Variants in MSRA observed in about 807,000 individuals in gnomAD.
MSRA encodes the protein mitochondrial peptide methionine sulfoxide reductase.
In MSRA, 54 loss-of-function variants were observed where a neutral mutation model predicts 31.3. The observed-to-expected ratio is 1.73, with a 90% CI of 1.39 to 2.17. The LOEUF (loss-of-function observed/expected upper bound fraction) is 2.17. Ranked by LOEUF, MSRA falls within the 30% of genes most tolerant of loss-of-function variation. The pLI is 0.00. For synonymous variants in MSRA, 169 were observed against 116.5 expected (o/e 1.45, Z -2.90); for missense variants, 507 against 300.9 (o/e 1.69, Z -5.07).
intron 1 of MSRA, chr8:10,095,416 C>T (rs540354514): frequency 9.2e-4 from 873 of 951,094 alleles, no homozygotes; most frequent in Non-Finnish European, 1.0e-3. Context: ...ATTTGGGTAC[C>T]GTACCACGGT....
At chr8:10,245,808 C>T (rs1351141842) in intron 3 of MSRA, among the ~76,000 whole-genome samples, 2 of 152,210 alleles carry the variant, frequency 1.3e-5, no homozygotes, top group African/African-American at 4.8e-5. Context: ...CACTTTTATA[C>T]CATTGGCCAA....
intron 2 of MSRA, among the ~76,000 whole-genome samples, chr8:10,235,605 C>G (rs770762390): frequency 1.3e-5 from 2 of 152,110 alleles, no homozygotes; most frequent in African/African-American, 4.8e-5. Context: ...AAGGTTTGCT[C>G]TGCAACGAAA....
intron 5 of MSRA, among the ~76,000 whole-genome samples, chr8:10,384,480 C>T (rs896387945): frequency 1.3e-5 from 2 of 152,190 alleles, no homozygotes; most frequent in Non-Finnish European, 2.9e-5. Context: ...TGGTGGAGAA[C>T]GAGGACGATG....
chr8:10,287,254 A>G (rs1309172417), intron 3 of MSRA, among the ~76,000 whole-genome samples: 1 of 152,234 alleles, frequency 6.6e-6, no homozygotes, highest in East Asian at 1.9e-4. Flanking sequence ...GCATGAAATT[A>G]TGGAATCAAA....
At chr8:10,368,109 T>A (rs1249377242) in intron 5 of MSRA, among the ~76,000 whole-genome samples, 1 of 152,076 alleles carries the variant, frequency 6.6e-6, no homozygotes, top group Non-Finnish European at 1.5e-5. Flanking sequence ...TGACCATGAG[T>A]CATGAAGCCA....
chr8:10,180,835 A>T (rs891911960), intron 1 of MSRA, among the ~76,000 whole-genome samples: 2 of 152,352 alleles, frequency 1.3e-5, no homozygotes, highest in South Asian at 4.1e-4. Flanking sequence ...TTTGGAAGAC[A>T]CTGGATTAAG....
intron 1 of MSRA, among the ~76,000 whole-genome samples, chr8:10,072,446 C>T (rs1004737624): frequency 6.6e-6 from 1 of 152,074 alleles, no homozygotes; most frequent in Non-Finnish European, 1.5e-5. Flanking sequence ...TGGGTCCTTA[C>T]TCCCTCCCGT....
intron 5 of MSRA, among the ~76,000 whole-genome samples, chr8:10,383,202 C>A (rs1458467200): frequency 6.6e-6 from 1 of 152,176 alleles, no homozygotes; most frequent in Non-Finnish European, 1.5e-5. Context: ...GCTGCAGGGG[C>A]AGAGGGCAAT....
intron 5 of MSRA, among the ~76,000 whole-genome samples, chr8:10,347,080 T>C (rs1389968100): frequency 6.6e-6 from 1 of 152,196 alleles, no homozygotes; most frequent in African/African-American, 2.4e-5. Flanking sequence ...ACCTGCACTT[T>C]GATCACAACA....
intron 3 of MSRA, among the ~76,000 whole-genome samples, chr8:10,287,200 A>G (rs111661269): frequency 0.021 from 3,251 of 152,304 alleles, 55 homozygotes; most frequent in Non-Finnish European, 0.031. Context: ...ATTGGTAGCA[A>G]TAATTTAGTA....
intron 5 of MSRA, among the ~76,000 whole-genome samples, chr8:10,358,884 C>T (rs564829549): frequency 7.2e-5 from 11 of 152,246 alleles, no homozygotes; most frequent in Admixed American, 3.3e-4. Flanking sequence ...GAGCCACCAG[C>T]ATTAGATTCT....
intron 1 of MSRA, among the ~76,000 whole-genome samples, chr8:10,111,106 A>G (rs1191813543): frequency 6.6e-6 from 1 of 152,162 alleles, no homozygotes; most frequent in Non-Finnish European, 1.5e-5. Flanking sequence ...GTCTCCCAGT[A>G]GGACAAAAGG....
chr8:10,144,176 G>A lies in MSRA; in HGVS notation c.143-63657G>A, dbSNP rs898061514. The stretch of plus-strand genomic sequence containing the variant: ...AGGAACATAGGAGCGGTGAAGTCTC[G>A]TGGTGCCATGTTCTAGGTTAGGTGC... On this transcript the variant is annotated intron_variant, in intron 1 of 5. Transcript: ENST00000317173. 7.9e-5 allele frequency among the ~76,000 whole-genome samples: 12 copies of A among 152,086 alleles called. 1 individual carries two copies. Among genetic ancestry groups the A allele is most frequent in the African/African-American group, 2.2e-4 (9 of 41,392 alleles).
At chr8:10,124,611 G>C (rs1367840242) in intron 1 of MSRA, among the ~76,000 whole-genome samples, 1 of 152,198 alleles carries the variant, frequency 6.6e-6, no homozygotes, top group Admixed American at 6.5e-5. Flanking sequence ...TCAGTAAATA[G>C]AACAGGATGT....
At chr8:10,272,883 G>A (rs1165523915) in intron 3 of MSRA, among the ~76,000 whole-genome samples, 1 of 150,218 alleles carries the variant, frequency 6.7e-6, no homozygotes, top group African/African-American at 2.4e-5. Context: ...TGAATGAATG[G>A]ATGAATAACA....
In MSRA at chr8:10,412,688, A is replaced by G. The variant is rs73662829; in HGVS notation, c.544-15460A>G. On this transcript the variant is annotated intron_variant, in intron 5 of 5. Coordinates refer to ENST00000317173, the MANE Select transcript of MSRA (RefSeq NM_012331.5). ...CCCTTCACCTACAGGATGCCTTTGT[A>G]TACAGAAGGCAAATAGGAACGTTAA... 7.9e-3 allele frequency among the ~76,000 whole-genome samples: 1,211 copies of G among 152,334 alleles called. 17 individuals carry two copies. The highest frequency in any genetic ancestry group is 0.028 in the African/African-American group (1,155 of 41,574).
chr8:10,224,906 C>G (rs574816830), intron 2 of MSRA, among the ~76,000 whole-genome samples: 3 of 152,130 alleles, frequency 2.0e-5, no homozygotes, highest in Admixed American at 6.6e-5. Flanking sequence ...AATGCCAGTA[C>G]TTTGGGAGGA....
chr8:10,341,669 T>G (rs955873901), intron 5 of MSRA, among the ~76,000 whole-genome samples: 2 of 152,146 alleles, frequency 1.3e-5, no homozygotes, highest in Admixed American at 1.3e-4. Flanking sequence ...CCTGGATAGG[T>G]AACTTAACCT....
intron 3 of MSRA, chr8:10,250,694 G>C: frequency 1.1e-5 from 6 of 547,326 alleles, no homozygotes; most frequent in South Asian, 2.6e-5. Context: ...ACCCTCTGGG[G>C]GTGGTGATGG....
Sources: gnomAD v4.1 joint callset for allele counts (sites outside exome capture counted in the v4.1 genomes callset) on GRCh38, gnomAD v4.1.1 for gene constraint, MANE v1.5 for transcripts, NCBI Gene and HGNC (gene_info 2026-07-23, HGNC 2026-07-21) for gene names.